Variants in LATS1 observed in about 807,000 individuals in gnomAD.
LATS1 encodes the protein serine/threonine-protein kinase LATS1.
LATS1 carries 25 observed loss-of-function variants against 106.6 expected under a neutral mutation model. That is an observed-to-expected ratio of 0.23 (90% CI 0.17 to 0.33). The LOEUF (loss-of-function observed/expected upper bound fraction) is 0.33, where lower values mean the gene tolerates loss of function less well. Ranked by LOEUF, LATS1 falls within the 10% of genes least tolerant of loss-of-function variation. The pLI, the probability that LATS1 is intolerant of heterozygous loss-of-function variation, is 1.00. For synonymous variants in LATS1, 465 were observed against 455.6 expected (o/e 1.02, Z -0.26); for missense variants, 1,040 against 1,382.6 (o/e 0.75, Z 3.93).
chr6:149,665,471 TTA>T (rs1351211517), intron 7 of LATS1, among the ~76,000 whole-genome samples: 6 of 152,178 alleles, frequency 3.9e-5, no homozygotes, highest in African/African-American at 1.4e-4. Flanking sequence ...TCAGATGCAG[TTA>T]TGAGATATTG....
intron 1 of LATS1, among the ~76,000 whole-genome samples, chr6:149,704,887 T>TACACACAC (rs57029776): frequency 0.11 from 15,275 of 139,674 alleles, 873 homozygotes; most frequent in Non-Finnish European, 0.12. Flanking sequence ...AAATTAATTA[T>TACACACAC]ACACACACAC....
intron 2 of LATS1, among the ~76,000 whole-genome samples, chr6:149,697,964 T>A (rs1340113691): frequency 9.2e-5 from 14 of 152,148 alleles, no homozygotes; most frequent in Admixed American, 9.2e-4. Flanking sequence ...GGTCTCGAAC[T>A]CCTGACCTCA....
At chr6:149,693,611 A>AAAACAAACAAAC (rs71554447) in intron 3 of LATS1, among the ~76,000 whole-genome samples, 1 of 150,780 alleles carries the variant, frequency 6.6e-6, no homozygotes, top group Non-Finnish European at 1.5e-5. Context: ...CTCCATCTCA[A>AAAACAAACAAAC]AAACAAACAA....
intron 3 of LATS1, among the ~76,000 whole-genome samples, chr6:149,689,358 C>T (rs185973302): frequency 9.3e-5 from 14 of 150,372 alleles, no homozygotes; most frequent in Admixed American, 2.7e-4. Flanking sequence ...AGGAGGAGTA[C>T]GCTCTGATTA....
At chr6:149,687,250 C>T (rs1315822080) in intron 3 of LATS1, among the ~76,000 whole-genome samples, 1 of 151,936 alleles carries the variant, frequency 6.6e-6, no homozygotes, top group African/African-American at 2.4e-5. Context: ...GCCACCACAC[C>T]CAGCTAATTT....
chr6:149,680,537 G>A, intron 4 of LATS1, 80 bp from the exon 5 acceptor site: 2 of 1,004,892 alleles, frequency 2.0e-6, no homozygotes, highest in Non-Finnish European at 2.9e-6. Flanking sequence ...GAAAAATTCA[G>A]GCATATATTT....
chr6:149,703,403 C>G (rs1296232939), intron 1 of LATS1, among the ~76,000 whole-genome samples: 1 of 152,226 alleles, frequency 6.6e-6, no homozygotes, highest in Non-Finnish European at 1.5e-5. Context: ...CCCACCAAAT[C>G]TCATGTCGAA....
At chr6:149,687,541 C>T (rs1474622394) in intron 3 of LATS1, among the ~76,000 whole-genome samples, 1 of 151,920 alleles carries the variant, frequency 6.6e-6, no homozygotes, top group African/African-American at 2.4e-5. Flanking sequence ...GCAATCCTCC[C>T]ACCTCAGCCT....
chr6:149,684,595 A>T lies in LATS1; in HGVS notation c.497-3T>A. ...GTTAACTGATTGCTGCACATTCCCT[A>T]TGGTTATAAGAGAGATAAAGAGAAA... On this transcript the variant is annotated splice_polypyrimidine_tract_variant and splice_region_variant and intron_variant, in intron 3 of 7. Coordinates refer to ENST00000543571, the MANE Select transcript of LATS1 (RefSeq NM_004690.4). 1 of 1,577,090 alleles carries T rather than the reference A, an allele frequency of 6.3e-7. No homozygotes were observed. The highest frequency in any genetic ancestry group is 8.6e-7 in the Non-Finnish European group (1 of 1,158,388).
chr6:149,687,256 A>C (rs1304162855), intron 3 of LATS1, among the ~76,000 whole-genome samples: 1 of 151,710 alleles, frequency 6.6e-6, no homozygotes, highest in Non-Finnish European at 1.5e-5. Flanking sequence ...ACACCCAGCT[A>C]ATTTTTGTAT....
At chr6:149,716,002 A>G (rs1784366064) in intron 1 of LATS1, among the ~76,000 whole-genome samples, 1 of 152,160 alleles carries the variant, frequency 6.6e-6, no homozygotes, top group African/African-American at 2.4e-5. Context: ...TCTCATGGTT[A>G]AAGTAAGAGC....
chr6:149,688,925 T>C (rs1191148914), intron 3 of LATS1, among the ~76,000 whole-genome samples: 3 of 151,866 alleles, frequency 2.0e-5, no homozygotes, highest in Admixed American at 6.5e-5. Flanking sequence ...CCTAGCACTT[T>C]AGGAGGCCGA....
intron 3 of LATS1, among the ~76,000 whole-genome samples, chr6:149,685,777 C>T (rs756511973): frequency 1.4e-4 from 20 of 147,534 alleles, no homozygotes; most frequent in Non-Finnish European, 2.5e-4. Flanking sequence ...CTGTCTTTAA[C>T]GGAATTTCCA....
At chr6:149,680,760 A>G (rs1213021746) in intron 4 of LATS1, among the ~76,000 whole-genome samples, 3 of 150,976 alleles carry the variant, frequency 2.0e-5, no homozygotes, top group Non-Finnish European at 4.4e-5. Flanking sequence ...AAAAAAAAAA[A>G]GGTTCTCAAT....
intron 7 of LATS1, chr6:149,675,685 T>C (rs1214991796): frequency 1.3e-5 from 2 of 152,346 alleles, no homozygotes; most frequent in African/African-American, 2.4e-5. Flanking sequence ...GCTTCCCAAG[T>C]AGCTGGGATT....
Position 149,718,038 on chromosome 6 carries a change from AG to A in LATS1, c.-331del. On this transcript the variant is annotated 5_prime_UTR_variant, in exon 1 of 8. It removes the in-frame stop codon of an upstream open reading frame in the 5' UTR. Transcript: ENST00000543571. ...AGGACCTGGCTCTCCCCTTAACACCAGGCCACCGCCGCCGCCGCCGCCATTT... is the reference window on the plus strand; with the variant it reads ...AGGACCTGGCTCTCCCCTTAACACCAGCCACCGCCGCCGCCGCCGCCATTT... The A allele has an allele frequency of 3.0e-6, 1 of 334,806 alleles. No homozygotes were observed. Among genetic ancestry groups the A allele is most frequent in the Non-Finnish European group, 5.8e-6 (1 of 173,504 alleles). 20.7% of individuals were successfully genotyped at this position (334,806 alleles called of 1,614,324 possible).
At chr6:149,684,823 C>G (rs1183816629) in intron 3 of LATS1, among the ~76,000 whole-genome samples, 1 of 150,680 alleles carries the variant, frequency 6.6e-6, no homozygotes, top group Non-Finnish European at 1.5e-5. Context: ...ATTCTCACTA[C>G]AAAAAAATGA....
intron 7 of LATS1, among the ~76,000 whole-genome samples, chr6:149,668,546 A>G (rs1388786099): frequency 6.7e-6 from 1 of 150,226 alleles, no homozygotes; most frequent in Non-Finnish European, 1.5e-5. Flanking sequence ...GGCTCAAGTG[A>G]TCCTCTTGTG....
At chr6:149,698,744 T>C (rs1783260868) in intron 2 of LATS1, among the ~76,000 whole-genome samples, 1 of 151,818 alleles carries the variant, frequency 6.6e-6, no homozygotes, top group Non-Finnish European at 1.5e-5. Context: ...ATATATTTTG[T>C]AGAGTCGGAG....
Sources: gnomAD v4.1 joint callset for allele counts (sites outside exome capture counted in the v4.1 genomes callset) on GRCh38, gnomAD v4.1.1 for gene constraint, MANE v1.5 for transcripts, NCBI Gene and HGNC (gene_info 2026-07-23, HGNC 2026-07-21) for gene names.